COP1: variants seen among roughly 807,000 people sequenced by gnomAD.
COP1 encodes E3 ubiquitin-protein ligase COP1.
In COP1, 24 loss-of-function variants were observed where a neutral mutation model predicts 101.3. The ratio of observed to expected loss-of-function variants is 0.24; its 90% CI spans 0.17 to 0.33. The LOEUF is 0.33. Ranked by LOEUF, COP1 falls within the 10% of genes least tolerant of loss-of-function variation. The probability of loss-of-function intolerance (pLI) is 1.00; values close to 1 mark genes in which losing one functional copy is unlikely to be tolerated. For synonymous variants in COP1, 347 were observed against 341.9 expected (o/e 1.01, Z -0.17); for missense variants, 663 against 906.2 (o/e 0.73, Z 3.45).
intron 1 of COP1, among the ~76,000 whole-genome samples, chr1:176,203,374 C>G (rs1274455350): frequency 6.6e-6 from 1 of 152,150 alleles, no homozygotes; most frequent in Non-Finnish European, 1.5e-5. Context: ...TCATAAAGAG[C>G]TTACTATCTA....
intron 1 of COP1, among the ~76,000 whole-genome samples, chr1:176,185,991 T>C (rs1698393963): frequency 1.3e-5 from 2 of 152,096 alleles, no homozygotes; most frequent in African/African-American, 4.8e-5. Flanking sequence ...CAAATATGTA[T>C]AGATGATATT....
chr1:176,027,922 A>G (rs937984039), intron 14 of COP1, among the ~76,000 whole-genome samples: 23 of 149,504 alleles, frequency 1.5e-4, no homozygotes, highest in African/African-American at 5.4e-4. Flanking sequence ...AAGAGGTTTA[A>G]TTGACTCACA....
At position 175,998,063 on chromosome 1, in the gene COP1, TAA is replaced by T. The variant is rs57110017; in HGVS notation, c.1730-8586_1730-8585del. Among the ~76,000 whole-genome samples the T allele has an allele frequency of 5.1e-3, 340 of 66,822 alleles. 5 individuals are homozygous for T. Among genetic ancestry groups the T allele is most frequent in the African/African-American group, 0.016 (201 of 12,710 alleles). 43.8% of individuals were successfully genotyped at this position (66,822 alleles called of 152,430 possible). A position where few individuals can be genotyped will look rare whatever the true frequency, so the allele number is the denominator to read the frequency against. On this transcript the variant is annotated intron_variant, in intron 15 of 19. Coordinates refer to ENST00000367669, the MANE Select transcript of COP1 (RefSeq NM_022457.7). ...TGTACCCTAAAACTTAGAGTATAAT[TAA>T]AAAAAAAAAAAAAAAAAAAAAAAAA...
At chr1:176,033,831 T>A (rs1473310705) in intron 14 of COP1, among the ~76,000 whole-genome samples, 1 of 152,184 alleles carries the variant, frequency 6.6e-6, no homozygotes, top group South Asian at 2.1e-4. Context: ...CAGTTAAACA[T>A]TTACTAAATA....
chr1:176,195,954 AG>A (rs1558298994), intron 1 of COP1, among the ~76,000 whole-genome samples: 1 of 152,228 alleles, frequency 6.6e-6, no homozygotes, highest in Non-Finnish European at 1.5e-5. Flanking sequence ...TTGGGTGACA[AG>A]ATCACTAGCA....
rs187171011 is a variant in COP1, at chr1:175,991,950, A to G, written c.1730-2471T>C. Among the ~76,000 whole-genome samples the G allele has an allele frequency of 4.0e-3, 604 of 152,362 alleles. 2 individuals carry two copies. The highest frequency in any genetic ancestry group is 0.017 in the Middle Eastern group (5 of 294). On this transcript the variant is annotated intron_variant, in intron 15 of 19. Coordinates refer to ENST00000367669, the MANE Select transcript of COP1 (RefSeq NM_022457.7). ...AGGCTGTTGTATAGTAACTTAAAAA[A>G]ACAAGTGTAAGAAGTACAGTCTATA...
chr1:175,987,942 T>C (rs1214186247), intron 17 of COP1, among the ~76,000 whole-genome samples: 2 of 152,198 alleles, frequency 1.3e-5, no homozygotes, highest in Admixed American at 1.3e-4. Context: ...AGAAGACACA[T>C]AATGTCTCCA....
At chr1:176,045,783 C>A (rs1174249532) in intron 12 of COP1, among the ~76,000 whole-genome samples, 1 of 151,804 alleles carries the variant, frequency 6.6e-6, no homozygotes, top group Non-Finnish European at 1.5e-5. Context: ...AAAAAAAATT[C>A]TTAAAACTAG....
chr1:176,042,937 G>T (rs998395139), intron 14 of COP1, among the ~76,000 whole-genome samples: 1 of 151,768 alleles, frequency 6.6e-6, no homozygotes, highest in African/African-American at 2.4e-5. Flanking sequence ...GGTGAGGCAG[G>T]AGAATCGCTT....
At chr1:176,156,505 G>C (rs1448380868) in intron 5 of COP1, among the ~76,000 whole-genome samples, 1 of 151,984 alleles carries the variant, frequency 6.6e-6, no homozygotes, top group Non-Finnish European at 1.5e-5. Context: ...GCACTTATTA[G>C]ACTGTGTTTT....
chr1:175,988,445 TA>T, intron 16 of COP1, 33 bp from the exon 17 acceptor site: 1 of 1,543,022 alleles, frequency 6.5e-7, no homozygotes. Flanking sequence ...AGAACTTACT[TA>T]AAATTTCTTG....
chr1:176,173,986 C>CAAAAAAAAAAAAAAAAAA lies in COP1; in HGVS notation c.565+1906_565+1923dup, dbSNP rs1212803591. 2.4e-4 allele frequency among the ~76,000 whole-genome samples: 12 copies of CAAAAAAAAAAAAAAAAAA among 49,076 alleles called. 1 individual carries two copies. Among genetic ancestry groups the CAAAAAAAAAAAAAAAAAA allele is most frequent in the South Asian group, 8.6e-4 (1 of 1,168 alleles). 32.2% of individuals were successfully genotyped at this position (49,076 alleles called of 152,430 possible). A position where few individuals can be genotyped will look rare whatever the true frequency, so the allele number is the denominator to read the frequency against. On this transcript the variant is annotated intron_variant, in intron 3 of 19. Transcript: ENST00000367669. ...TGGGCAACAGAGTGAGATGCTGTCTCAAAAAAAAAAAAAAAAAAAAAAGAG... is the reference window on the plus strand; with the variant it reads ...TGGGCAACAGAGTGAGATGCTGTCTCAAAAAAAAAAAAAAAAAAAAAAAAAAAAAAAAAAAAAAAAGAG...
chr1:176,180,830 C>T (rs186233490), intron 2 of COP1, among the ~76,000 whole-genome samples: 1 of 152,166 alleles, frequency 6.6e-6, no homozygotes, highest in Non-Finnish European at 1.5e-5. Context: ...TAAAGAAAGA[C>T]CAAAAGTATG....
At chr1:176,088,886 T>C (rs1386973326) in intron 9 of COP1, among the ~76,000 whole-genome samples, 4 of 150,906 alleles carry the variant, frequency 2.7e-5, no homozygotes, top group African/African-American at 9.8e-5. Flanking sequence ...TCCCAGCTAC[T>C]CGGGAGGCTG....
chr1:176,082,148 A>G (rs1679261878), intron 10 of COP1, among the ~76,000 whole-genome samples: 1 of 152,226 alleles, frequency 6.6e-6, no homozygotes. Flanking sequence ...GCTTTTCAGC[A>G]CTGTGTCGTT....
intron 15 of COP1, among the ~76,000 whole-genome samples, chr1:176,006,562 A>G (rs1262240754): frequency 6.6e-6 from 1 of 152,178 alleles, no homozygotes; most frequent in Admixed American, 6.5e-5. Flanking sequence ...AAAATCCCTC[A>G]GCATTTGCTG....
At chr1:176,093,297 T>C (rs966714775) in intron 9 of COP1, among the ~76,000 whole-genome samples, 1 of 152,214 alleles carries the variant, frequency 6.6e-6, no homozygotes, top group East Asian at 1.9e-4. Flanking sequence ...GCCAGTTCCA[T>C]AAAAGTTTTG....
intron 14 of COP1, among the ~76,000 whole-genome samples, chr1:176,035,710 C>CAAAAAAAAAAAAAAAAAA (rs71129541): frequency 2.7e-5 from 2 of 73,112 alleles, no homozygotes; most frequent in African/African-American, 1.4e-4. Context: ...AAAACGAGAC[C>CAAAAAAAAAAAAAAAAAA]AAAAAAAAAA....
chr1:176,122,965 A>C (rs1687396142), intron 8 of COP1, among the ~76,000 whole-genome samples: 1 of 152,198 alleles, frequency 6.6e-6, no homozygotes, highest in African/African-American at 2.4e-5. Flanking sequence ...CAAAGGAATA[A>C]GACCAACAAG....
Sources: allele counts gnomAD v4.1 joint callset (sites outside exome capture counted in the v4.1 genomes callset), GRCh38; gene constraint gnomAD v4.1.1; transcripts MANE v1.5; gene names NCBI Gene and HGNC (gene_info 2026-07-23, HGNC 2026-07-21).